PIWIL1: variants seen among roughly 807,000 people sequenced by gnomAD.
PIWIL1 encodes the protein piwi like RNA-mediated gene silencing 1.
A neutral mutation model predicts 114.4 loss-of-function variants in PIWIL1; 73 were observed. That is an observed-to-expected ratio of 0.64 (90% confidence interval 0.53 to 0.78). PIWIL1 has a LOEUF of 0.78. PIWIL1 is among the 30% of genes least tolerant of loss of function. The pLI is 0.00. For missense variants in PIWIL1, 723 were observed against 1,063.1 expected, an observed-to-expected ratio of 0.68 and a Z score of 4.45; for synonymous variants, 375 against 369.0, an observed-to-expected ratio of 1.02 and a Z score of -0.19.
At chr12:130,417,905 A>G in the PIWIL1 span, among the ~76,000 whole-genome samples, 1 of 152,142 alleles carries the variant, frequency 6.6e-6, no homozygotes, top group East Asian at 1.9e-4. Context: ...TGGTCTGATC[A>G]TGGGAGGTGG....
chr12:130,353,402 C>G (rs577844212), intron 9 of PIWIL1, among the ~76,000 whole-genome samples: 22 of 148,778 alleles, frequency 1.5e-4, no homozygotes, highest in Non-Finnish European at 1.0e-4. Flanking sequence ...TTTTGTTCTT[C>G]TGGTGTGCTC....
chr12:130,361,637 G>GACA, intron 16 of PIWIL1, 36 bp downstream of exon 16: 1 of 1,535,354 alleles, frequency 6.5e-7, no homozygotes, highest in Non-Finnish European at 9.0e-7. Flanking sequence ...TGGCAGTGAG[G>GACA]ACATAAAGCA....
the PIWIL1 span, among the ~76,000 whole-genome samples, chr12:130,383,129 C>A: frequency 6.6e-6 from 1 of 152,090 alleles, no homozygotes; most frequent in African/African-American, 2.4e-5. Context: ...TTGAATTAAC[C>A]CATAGTAAGT....
rs147097345 is a variant in PIWIL1, at chr12:130,341,693, C to T, written c.-12-887C>T. Among the ~76,000 whole-genome samples, 18 of 152,332 alleles carry T rather than the reference C, an allele frequency of 1.2e-4. No homozygotes were observed. The East Asian group carries it at 3.1e-3, about 26-fold the overall frequency. On this transcript the variant is annotated intron_variant, in intron 1 of 20. Transcript: ENST00000245255. ...ATTCCAACCATTCGACAAAGAGTCA[C>T]ACGCTATGTTGTTTTCTCATGTTGT... is the stretch of plus-strand genomic sequence containing the variant.
At chr12:130,359,778 A>G (rs146144705) in intron 14 of PIWIL1, among the ~76,000 whole-genome samples, 1 of 152,350 alleles carries the variant, frequency 6.6e-6, no homozygotes, top group African/African-American at 2.4e-5. Flanking sequence ...CTGAGGGAAC[A>G]TGGAACTTGC....
chr12:130,341,622 G>A (rs78528402), intron 1 of PIWIL1, among the ~76,000 whole-genome samples: 1 of 152,244 alleles, frequency 6.6e-6, no homozygotes, highest in East Asian at 1.9e-4. Flanking sequence ...CTAGAGGCCA[G>A]TGTGAGTTCT....
At chr12:130,384,661 T>A in the PIWIL1 span, among the ~76,000 whole-genome samples, 1 of 152,158 alleles carries the variant, frequency 6.6e-6, no homozygotes. Flanking sequence ...CATCGTGGTT[T>A]TATACAAGCT....
chr12:130,350,014 G>A (rs1482608419), intron 9 of PIWIL1, 47 bp downstream of exon 9: 1 of 1,064,544 alleles, frequency 9.4e-7, no homozygotes, highest in Non-Finnish European at 1.4e-6. Flanking sequence ...AAATATCTTT[G>A]GTAGAATTCT....
chr12:130,402,316 G>A, the PIWIL1 span, among the ~76,000 whole-genome samples: 1 of 152,058 alleles, frequency 6.6e-6, no homozygotes, highest in Non-Finnish European at 1.5e-5. Flanking sequence ...GCGTTCTCAA[G>A]GGCACCCATC....
At chr12:130,374,472 T>G (rs1388600369), downstream of PIWIL1, among the ~76,000 whole-genome samples, 1 of 152,176 alleles carries the variant, frequency 6.6e-6, no homozygotes, top group Non-Finnish European at 1.5e-5. Context: ...AGAGAAACTG[T>G]AAAATTTTCA....
chr12:130,389,653 T>C, the PIWIL1 span, among the ~76,000 whole-genome samples: 4,396 of 152,256 alleles, frequency 0.029, 137 homozygotes, highest in African/African-American at 0.062. Flanking sequence ...ACATCTTCTG[T>C]TTGTTGTGAT....
chr12:130,372,953 G>A (rs1194007250), downstream of PIWIL1, among the ~76,000 whole-genome samples: 2 of 152,224 alleles, frequency 1.3e-5, no homozygotes, highest in African/African-American at 2.4e-5. Flanking sequence ...CCCTGGAACT[G>A]TAATTTAAAC....
At chr12:130,339,631 C>T (rs936834632) in intron 1 of PIWIL1, 6 of 152,232 alleles carry the variant, frequency 3.9e-5, no homozygotes, top group African/African-American at 1.4e-4. Context: ...GGTTTTGAAA[C>T]TGGAAGGAGA....
At chr12:130,402,890 T>C in the PIWIL1 span, among the ~76,000 whole-genome samples, 1 of 152,336 alleles carries the variant, frequency 6.6e-6, no homozygotes, top group South Asian at 2.1e-4. Flanking sequence ...GATGCTGGGC[T>C]ATAGCAAGAA....
the PIWIL1 span, chr12:130,399,840 A>T: frequency 9.3e-6 from 15 of 1,612,696 alleles, no homozygotes; most frequent in Non-Finnish European, 1.1e-5. Context: ...GAGGCAGAAG[A>T]ACTATTTATT....
chr12:130,348,684 C>T (rs564912119), intron 7 of PIWIL1, among the ~76,000 whole-genome samples: 81 of 152,212 alleles, frequency 5.3e-4, no homozygotes, highest in African/African-American at 1.9e-3. Flanking sequence ...GGGTGGATCA[C>T]GAGGTCAGGA....
the PIWIL1 span, among the ~76,000 whole-genome samples, chr12:130,400,417 A>T: frequency 6.6e-6 from 1 of 152,218 alleles, no homozygotes; most frequent in African/African-American, 2.4e-5. Flanking sequence ...ATCCTTCCAG[A>T]TCTTTCTACT....
At chr12:130,409,931 T>C in the PIWIL1 span, among the ~76,000 whole-genome samples, 1 of 152,238 alleles carries the variant, frequency 6.6e-6, no homozygotes, top group Non-Finnish European at 1.5e-5. Flanking sequence ...GTTGTTGGAT[T>C]GTATTGTAAG....
the PIWIL1 span, among the ~76,000 whole-genome samples, chr12:130,401,229 C>T: frequency 2.0e-5 from 3 of 152,074 alleles, no homozygotes; most frequent in Admixed American, 6.6e-5. Flanking sequence ...AATTCTCCCA[C>T]CTCAGCCTCC....
Sources: gnomAD v4.1 joint callset for allele counts (sites outside exome capture counted in the v4.1 genomes callset) on GRCh38, gnomAD v4.1.1 for gene constraint, MANE v1.5 for transcripts, NCBI Gene and HGNC (gene_info 2026-07-23, HGNC 2026-07-21) for gene names.